Variants in PDS5B observed in about 807,000 individuals in gnomAD.
The protein encoded by PDS5B is sister chromatid cohesion protein PDS5 homolog B.
PDS5B carries 51 observed loss-of-function variants against 184.1 expected under a neutral mutation model. The observed-to-expected ratio is 0.28, with a 90% CI of 0.22 to 0.35. The LOEUF is 0.35. PDS5B is among the 10% of genes least tolerant of loss of function. The pLI, the probability that PDS5B is intolerant of heterozygous loss-of-function variation, is 1.00. For missense variants in PDS5B, 1,180 were observed against 1,723.3 expected, an observed-to-expected ratio of 0.68 and a Z score of 5.58; for synonymous variants, 566 against 569.2, an observed-to-expected ratio of 0.99 and a Z score of 0.08.
At chr13:32,746,492 C>T (rs1192570446) in intron 24 of PDS5B, among the ~76,000 whole-genome samples, 1 of 152,158 alleles carries the variant, frequency 6.6e-6, no homozygotes, top group Non-Finnish European at 1.5e-5. Context: ...ATATAGTTGT[C>T]TCAACTGAAC....
intron 7 of PDS5B, among the ~76,000 whole-genome samples, chr13:32,668,081 T>TA (rs746468925): frequency 6.6e-6 from 1 of 152,186 alleles, no homozygotes; most frequent in Admixed American, 6.5e-5. Context: ...CCTGAGAACT[T>TA]AAACAGTTTT....
chr13:32,685,524 A>G (rs1951361346), intron 11 of PDS5B, among the ~76,000 whole-genome samples: 1 of 152,194 alleles, frequency 6.6e-6, no homozygotes, highest in African/African-American at 2.4e-5. Flanking sequence ...ATAATTGACT[A>G]TATACATGTT....
intron 1 of PDS5B, among the ~76,000 whole-genome samples, chr13:32,592,385 A>G (rs1288995575): frequency 2.6e-5 from 4 of 151,934 alleles, no homozygotes; most frequent in Non-Finnish European, 5.9e-5. Flanking sequence ...CCTTCTGAGT[A>G]GCTGGGACTA....
chr13:32,774,996 T>C, intron 34 of PDS5B, 21 bp from the exon 35 acceptor site: 5 of 1,609,896 alleles, frequency 3.1e-6, no homozygotes, highest in Non-Finnish European at 4.3e-6. Context: ...TAATTAAGCA[T>C]CTGGTGACTT....
chr13:32,597,505 T>C (rs1199327718), intron 1 of PDS5B, among the ~76,000 whole-genome samples: 1 of 149,176 alleles, frequency 6.7e-6, no homozygotes, highest in Non-Finnish European at 1.5e-5. Flanking sequence ...CCAGCCTGGG[T>C]AACACAGAGA....
intron 1 of PDS5B, among the ~76,000 whole-genome samples, chr13:32,639,805 C>G (rs532989516): frequency 6.6e-6 from 1 of 152,336 alleles, no homozygotes; most frequent in African/African-American, 2.4e-5. Flanking sequence ...AATTCCACCT[C>G]AAACCTGGAG....
chr13:32,731,792 T>C (rs543161596), intron 19 of PDS5B, among the ~76,000 whole-genome samples: 1 of 152,240 alleles, frequency 6.6e-6, no homozygotes, highest in East Asian at 1.9e-4. Context: ...GCTGGAATGA[T>C]AGCAGTAAGA....
intron 1 of PDS5B, among the ~76,000 whole-genome samples, chr13:32,641,122 A>G (rs1950076905): frequency 6.6e-6 from 1 of 151,644 alleles, no homozygotes; most frequent in Middle Eastern, 3.2e-3. Flanking sequence ...AGAGTCTGAT[A>G]TAGGCCAGTT....
intron 1 of PDS5B, among the ~76,000 whole-genome samples, chr13:32,623,852 G>T (rs774937646): frequency 5.3e-5 from 8 of 151,204 alleles, no homozygotes; most frequent in Admixed American, 5.3e-4. Flanking sequence ...TGGCTCTCTC[G>T]CCAGGCTGGA....
intron 19 of PDS5B, among the ~76,000 whole-genome samples, chr13:32,716,429 C>T (rs570880786): frequency 1.1e-4 from 16 of 151,522 alleles, no homozygotes; most frequent in East Asian, 5.9e-4. Context: ...GCCTGGCAAC[C>T]GCCCCATCTG....
intron 5 of PDS5B, among the ~76,000 whole-genome samples, chr13:32,658,836 A>T: frequency 6.6e-6 from 1 of 152,166 alleles, no homozygotes; most frequent in Non-Finnish European, 1.5e-5. Context: ...TATGCTTTAA[A>T]ATTATTTACT....
At chr13:32,763,719 GCT>G (rs1411264366) in intron 30 of PDS5B, among the ~76,000 whole-genome samples, 4 of 152,136 alleles carry the variant, frequency 2.6e-5, no homozygotes, top group Non-Finnish European at 4.4e-5. Context: ...GGAAGAACAG[GCT>G]CTGTTTGTAT....
At chr13:32,588,785 A>G (rs2057729974) in intron 1 of PDS5B, among the ~76,000 whole-genome samples, 1 of 152,254 alleles carries the variant, frequency 6.6e-6, no homozygotes, top group South Asian at 2.1e-4. Context: ...AAAGTTGTTT[A>G]AATTGTTCTG....
At chr13:32,666,016 A>G (rs1242384570) in intron 6 of PDS5B, among the ~76,000 whole-genome samples, 1 of 152,166 alleles carries the variant, frequency 6.6e-6, no homozygotes, top group East Asian at 1.9e-4. Flanking sequence ...GAGGGGAGGA[A>G]TGAAGTGAAA....
At chr13:32,681,176 GT>G (rs1951228136) in intron 10 of PDS5B, among the ~76,000 whole-genome samples, 1 of 152,140 alleles carries the variant, frequency 6.6e-6, no homozygotes, top group Non-Finnish European at 1.5e-5. Flanking sequence ...ACTCACTGTT[GT>G]TACAGATGAG....
chr13:32,725,880 A>G (rs1467487211), intron 19 of PDS5B, among the ~76,000 whole-genome samples: 1 of 152,102 alleles, frequency 6.6e-6, no homozygotes, highest in Non-Finnish European at 1.5e-5. Context: ...TTTATTTAGC[A>G]TGTATCATAT....
At chr13:32,600,718 A>G (rs2057961044) in intron 1 of PDS5B, among the ~76,000 whole-genome samples, 1 of 152,204 alleles carries the variant, frequency 6.6e-6, no homozygotes, top group Non-Finnish European at 1.5e-5. Context: ...CAGCCTGGGC[A>G]ACAGAGTGAG....
At chr13:32,720,574 A>T in intron 19 of PDS5B, among the ~76,000 whole-genome samples, 1 of 152,040 alleles carries the variant, frequency 6.6e-6, no homozygotes, top group Non-Finnish European at 1.5e-5. Context: ...ATGGAGCTGC[A>T]CTGCACAGGG....
chr13:32,725,844 T>A (rs9591282), intron 19 of PDS5B, among the ~76,000 whole-genome samples: 58,806 of 151,890 alleles, frequency 0.39, 11,891 homozygotes, highest in Non-Finnish European at 0.45. Context: ...AAAAGTAGTC[T>A]TTTACTTTTT....
Sources: gnomAD v4.1 joint callset for allele counts (sites outside exome capture counted in the v4.1 genomes callset) on GRCh38, gnomAD v4.1.1 for gene constraint, MANE v1.5 for transcripts, NCBI Gene and HGNC (gene_info 2026-07-23, HGNC 2026-07-21) for gene names.